Variants in SND1 observed in about 807,000 individuals in gnomAD.
SND1 encodes staphylococcal nuclease and tudor domain containing 1.
In SND1, 38 loss-of-function variants were observed where a neutral mutation model predicts 121.7. That is an observed-to-expected ratio of 0.31 (90% confidence interval 0.24 to 0.41). The LOEUF is 0.41. SND1 is among the 10% of genes least tolerant of loss of function. SND1 has a pLI of 1.00. For missense variants in SND1, 868 were observed against 1,184.6 expected (o/e 0.73, Z 3.92); for synonymous variants, 401 against 447.4 (o/e 0.90, Z 1.31).
At chr7:127,797,003 C>G (rs929591933) in intron 10 of SND1, among the ~76,000 whole-genome samples, 2 of 150,614 alleles carry the variant, frequency 1.3e-5, no homozygotes, top group African/African-American at 4.9e-5. Context: ...AGCGATTCTC[C>G]TATCTCAGCC....
chr7:128,064,605 A>G (rs1307859612), intron 16 of SND1, among the ~76,000 whole-genome samples: 1 of 152,206 alleles, frequency 6.6e-6, no homozygotes, highest in African/African-American at 2.4e-5. Context: ...GACTCATTAC[A>G]TTGGAGATTC....
chr7:127,812,486 A>G (rs922913013), intron 11 of SND1, among the ~76,000 whole-genome samples: 4 of 152,212 alleles, frequency 2.6e-5, no homozygotes, highest in Non-Finnish European at 4.4e-5. Flanking sequence ...TGCTAAGCCA[A>G]TTTTGAAGCT....
chr7:127,726,198 A>G (rs1007128718), intron 10 of SND1, among the ~76,000 whole-genome samples: 2 of 152,210 alleles, frequency 1.3e-5, no homozygotes, highest in African/African-American at 4.8e-5. Flanking sequence ...CCGGAAATTC[A>G]TGGGTAGCCA....
At chr7:127,672,316 G>A (rs1408112731) in intron 1 of SND1, among the ~76,000 whole-genome samples, 1 of 151,982 alleles carries the variant, frequency 6.6e-6, no homozygotes. Context: ...AAATTAACAT[G>A]GTTATGGCAG....
At chr7:127,730,504 G>A (rs531830814) in intron 10 of SND1, among the ~76,000 whole-genome samples, 3 of 152,234 alleles carry the variant, frequency 2.0e-5, no homozygotes, top group Admixed American at 1.3e-4. Flanking sequence ...CACTTTATTG[G>A]GCAATTAGTG....
intron 16 of SND1, among the ~76,000 whole-genome samples, chr7:127,991,743 G>T (rs1000024326): frequency 6.6e-6 from 1 of 152,136 alleles, no homozygotes; most frequent in Non-Finnish European, 1.5e-5. Context: ...GGTCCCTCCA[G>T]CTTTCATAAT....
chr7:127,935,879 C>T (rs1801051271), intron 15 of SND1, among the ~76,000 whole-genome samples: 1 of 152,156 alleles, frequency 6.6e-6, no homozygotes, highest in Non-Finnish European at 1.5e-5. Flanking sequence ...GTGCTGCTCT[C>T]ATTAATCCCA....
intron 1 of SND1, among the ~76,000 whole-genome samples, chr7:127,678,806 C>G (rs1353011334): frequency 6.6e-6 from 1 of 152,132 alleles, no homozygotes; most frequent in Non-Finnish European, 1.5e-5. Flanking sequence ...AATTGAGTTT[C>G]TTTTTAGTTA....
chr7:127,929,421 T>C (rs1800915502), intron 15 of SND1, 92 bp downstream of exon 15: 1 of 1,279,740 alleles, frequency 7.8e-7, no homozygotes, highest in Non-Finnish European at 1.1e-6. Flanking sequence ...AGATAGGCCC[T>C]AGAGCCCACC....
At chr7:128,048,074 C>A (rs1041565532) in intron 16 of SND1, among the ~76,000 whole-genome samples, 9 of 152,088 alleles carry the variant, frequency 5.9e-5, no homozygotes, top group African/African-American at 2.2e-4. Flanking sequence ...TCTCGATCTC[C>A]TGACCTCGTG....
At chr7:127,980,017 A>T (rs1802220246) in intron 15 of SND1, among the ~76,000 whole-genome samples, 1 of 152,116 alleles carries the variant, frequency 6.6e-6, no homozygotes, top group African/African-American at 2.4e-5. Context: ...GATAGGATAT[A>T]TGTAGCTTGG....
intron 16 of SND1, among the ~76,000 whole-genome samples, chr7:128,025,542 C>T (rs558148790): frequency 6.6e-6 from 1 of 152,334 alleles, no homozygotes; most frequent in Admixed American, 6.5e-5. Flanking sequence ...GAGCTACCAA[C>T]CCGTGTTCCA....
chr7:127,882,522 G>A (rs368643641), intron 12 of SND1, among the ~76,000 whole-genome samples: 1 of 152,024 alleles, frequency 6.6e-6, no homozygotes, highest in African/African-American at 2.4e-5. Flanking sequence ...TCCTAGCCAA[G>A]TTTTCCCAGC....
chr7:127,712,799 G>GACT (rs1796320173), intron 9 of SND1, among the ~76,000 whole-genome samples: 1 of 152,162 alleles, frequency 6.6e-6, no homozygotes, highest in African/African-American at 2.4e-5. Flanking sequence ...GAGGTGTTTA[G>GACT]AGAGGGACCC....
chr7:127,884,210 C>T (rs889185630), intron 12 of SND1, among the ~76,000 whole-genome samples: 3 of 152,082 alleles, frequency 2.0e-5, no homozygotes, highest in Non-Finnish European at 4.4e-5. Flanking sequence ...CTACATGTTC[C>T]AGGCTTATCT....
intron 15 of SND1, among the ~76,000 whole-genome samples, chr7:127,988,724 T>G (rs1041688596): frequency 5.9e-5 from 9 of 152,136 alleles, no homozygotes; most frequent in Non-Finnish European, 1.3e-4. Flanking sequence ...TATGCCCTCA[T>G]AGTGAAAATT....
intron 12 of SND1, among the ~76,000 whole-genome samples, chr7:127,856,706 G>T (rs960177959): frequency 6.6e-6 from 1 of 152,140 alleles, no homozygotes; most frequent in African/African-American, 2.4e-5. Flanking sequence ...TTTATCTATT[G>T]TGTTTAAAAT....
At chr7:127,865,627 C>T (rs1416257389) in intron 12 of SND1, among the ~76,000 whole-genome samples, 1 of 151,096 alleles carries the variant, frequency 6.6e-6, no homozygotes, top group Admixed American at 6.6e-5. Flanking sequence ...TTGTTTGTTT[C>T]GTTTTTGAGA....
At chr7:127,917,986 A>G (rs1452039351) in intron 14 of SND1, among the ~76,000 whole-genome samples, 2 of 152,180 alleles carry the variant, frequency 1.3e-5, no homozygotes, top group Non-Finnish European at 2.9e-5. Flanking sequence ...CTAAAGGGAC[A>G]ATTAGTTATC....
Sources: gnomAD v4.1 joint callset for allele counts (sites outside exome capture counted in the v4.1 genomes callset) on GRCh38, gnomAD v4.1.1 for gene constraint, MANE v1.5 for transcripts, NCBI Gene and HGNC (gene_info 2026-07-23, HGNC 2026-07-21) for gene names.